Variants in CEP85L observed in about 807,000 individuals in gnomAD.
CEP85L encodes centrosomal protein 85L, also known as centrosomal protein of 85 kDa-like.
A neutral mutation model predicts 100.3 loss-of-function variants in CEP85L; 60 were observed. The observed-to-expected ratio is 0.60, with a 90% CI of 0.49 to 0.74. The LOEUF is 0.74. CEP85L is among the 30% of genes least tolerant of loss of function. The pLI is 0.00. For synonymous variants in CEP85L, 319 were observed against 322.7 expected, an observed-to-expected ratio of 0.99 and a Z score of 0.12; for missense variants, 973 against 936.2, an observed-to-expected ratio of 1.04 and a Z score of -0.51.
At chr6:118,548,495 A>G (rs920826020) in intron 3 of CEP85L, 1 of 152,122 alleles carries the variant, frequency 6.6e-6, no homozygotes, top group Admixed American at 6.6e-5. Flanking sequence ...AATTTTATGA[A>G]TATCAGTTCA....
chr6:118,604,323 C>T (rs547189992), intron 2 of CEP85L, among the ~76,000 whole-genome samples: 23 of 152,258 alleles, frequency 1.5e-4, no homozygotes, highest in Non-Finnish European at 2.9e-5. Flanking sequence ...GTTTAATTTA[C>T]GGAAAAACTG....
rs117866802 is a variant in CEP85L, at chr6:118,684,722, C to A, written c.-28+25314G>T. ...GGGTGTACATCCTTCTCTCTTAAGACAAGATGTAATAGTAACCCATGATCT... is the reference window on the plus strand; with the variant it reads ...GGGTGTACATCCTTCTCTCTTAAGAAAAGATGTAATAGTAACCCATGATCT... On this transcript the variant is annotated intron_variant, in intron 1 of 13. Transcript: ENST00000368488. 1.1e-3 allele frequency among the ~76,000 whole-genome samples: 161 copies of A among 152,268 alleles called. 2 individuals carry two copies. In the East Asian group the frequency reaches 0.029, roughly 27 times the overall value.
chr6:118,601,344 C>T (rs915848839), intron 2 of CEP85L, among the ~76,000 whole-genome samples: 2 of 152,194 alleles, frequency 1.3e-5, no homozygotes, highest in Non-Finnish European at 2.9e-5. Flanking sequence ...TTACAGTCTA[C>T]TTTTTGAGAA....
intron 2 of CEP85L, among the ~76,000 whole-genome samples, chr6:118,600,454 GTGGGACTCAGGCACTTGCCAC>G (rs1254920131): frequency 1.3e-5 from 2 of 151,318 alleles, no homozygotes; most frequent in Non-Finnish European, 2.9e-5. Context: ...TCTGCTGTAG[GTGGGACTCAGGCACTTGCCAC>G]CAGGCCCAGC....
At chr6:118,470,969 T>C (rs1401961062) in intron 10 of CEP85L, among the ~76,000 whole-genome samples, 1 of 152,150 alleles carries the variant, frequency 6.6e-6, no homozygotes, top group East Asian at 1.9e-4. Flanking sequence ...ACAGTTCTTA[T>C]TTCATTAACT....
intron 2 of CEP85L, among the ~76,000 whole-genome samples, chr6:118,587,529 G>C (rs1780936613): frequency 6.6e-6 from 1 of 152,138 alleles, no homozygotes; most frequent in Non-Finnish European, 1.5e-5. Context: ...CTTCTGGTTG[G>C]AAGTACCGAT....
At chr6:118,528,585 C>T (rs2114812707) in intron 3 of CEP85L, among the ~76,000 whole-genome samples, 2 of 152,262 alleles carry the variant, frequency 1.3e-5, no homozygotes, top group Middle Eastern at 6.8e-3. Context: ...CCTTACTAAA[C>T]TTAAACCCTG....
chr6:118,648,172 T>A (rs1775322937), intron 1 of CEP85L, among the ~76,000 whole-genome samples: 1 of 152,174 alleles, frequency 6.6e-6, no homozygotes, highest in Admixed American at 6.5e-5. Flanking sequence ...GAGAACCGCT[T>A]GGAACCGGGA....
At chr6:118,708,285 C>A (rs926037285) in intron 1 of CEP85L, among the ~76,000 whole-genome samples, 1 of 152,166 alleles carries the variant, frequency 6.6e-6, no homozygotes, top group Admixed American at 6.5e-5. Flanking sequence ...TGTCTAGAAG[C>A]AATCTGGGCC....
rs74642951 is a variant in CEP85L at position 118,546,484 on chromosome 6, A to T, written c.1020+19045T>A. 7.7e-3 allele frequency among the ~76,000 whole-genome samples: 1,173 copies of T among 152,284 alleles called. 15 individuals carry two copies. Among genetic ancestry groups the T allele is most frequent in the Middle Eastern group, 0.044 (13 of 294 alleles). On this transcript the variant is annotated intron_variant, in intron 3 of 12. Coordinates refer to ENST00000368491, the MANE Select transcript of CEP85L (RefSeq NM_001042475.3). ...CACCTAAATTTCAAATGAATGTGTA[A>T]CTGGTAGACAAACTTAAAGCAGACT...
Position 118,670,913 on chromosome 6 carries a change from A to C in CEP85L, c.-27-18105T>G, listed in dbSNP as rs550275033. Among the ~76,000 whole-genome samples, 7 of 152,112 alleles carry C rather than the reference A, an allele frequency of 4.6e-5. No individual in the cohort carries two copies. In the East Asian group the frequency reaches 1.4e-3, roughly 29 times the overall value. ...ATCAGCAGGACGACTTTTGGTGCTG[A>C]GGATACTGCAAAACTAGAAATTAGT... On this transcript the variant is annotated intron_variant, in intron 1 of 13. Transcript: ENST00000368488.
chr6:118,472,738 C>T (rs1773060749), intron 10 of CEP85L, among the ~76,000 whole-genome samples: 1 of 152,068 alleles, frequency 6.6e-6, no homozygotes, highest in South Asian at 2.1e-4. Context: ...TTTACAATAA[C>T]TATTTATCAT....
chr6:118,507,154 C>T (rs1775705879), intron 5 of CEP85L, among the ~76,000 whole-genome samples: 1 of 152,198 alleles, frequency 6.6e-6, no homozygotes, highest in African/African-American at 2.4e-5. Flanking sequence ...GTAAGTTTAA[C>T]TCACTATTTT....
intron 6 of CEP85L, among the ~76,000 whole-genome samples, chr6:118,487,663 C>T (rs1774279315): frequency 6.6e-6 from 1 of 152,206 alleles, no homozygotes; most frequent in South Asian, 2.1e-4. Context: ...AACACCCCAA[C>T]TTTTCTGGGT....
chr6:118,604,982 A>T (rs1323120515), intron 2 of CEP85L, among the ~76,000 whole-genome samples: 1 of 152,196 alleles, frequency 6.6e-6, no homozygotes. Context: ...AAGCCAATCA[A>T]TTAGAGCTCT....
chr6:118,644,064 T>C (rs555464463), intron 1 of CEP85L, among the ~76,000 whole-genome samples: 5 of 152,366 alleles, frequency 3.3e-5, no homozygotes, highest in African/African-American at 9.6e-5. Context: ...TCAATCCTTA[T>C]GCAATAAAGT....
intron 2 of CEP85L, among the ~76,000 whole-genome samples, chr6:118,593,375 G>A (rs1781292706): frequency 6.7e-6 from 1 of 150,060 alleles, no homozygotes; most frequent in East Asian, 1.9e-4. Context: ...AAAAAAAAAA[G>A]AAAAGAAAAG....
At chr6:118,626,110 G>A (rs143258710) in intron 2 of CEP85L, among the ~76,000 whole-genome samples, 149 of 152,290 alleles carry the variant, frequency 9.8e-4, no homozygotes, top group African/African-American at 3.5e-3. Context: ...GGGACTGAGA[G>A]GTGATGCCAG....
chr6:118,488,373 A>T (rs1774333036), intron 6 of CEP85L, among the ~76,000 whole-genome samples: 1 of 152,006 alleles, frequency 6.6e-6, no homozygotes, highest in African/African-American at 2.4e-5. Context: ...CTTGGAACTA[A>T]AAAATATAAT....
Sources: gnomAD v4.1 joint callset for allele counts (sites outside exome capture counted in the v4.1 genomes callset) on GRCh38, gnomAD v4.1.1 for gene constraint, MANE v1.5 for transcripts, NCBI Gene and HGNC (gene_info 2026-07-23, HGNC 2026-07-21) for gene names.